GAB2: variants seen among roughly 807,000 people sequenced by gnomAD.
GAB2 encodes the protein GRB2 associated binding protein 2.
Under a neutral mutation model 65.5 loss-of-function variants are expected in GAB2, and 26 were observed. The ratio of observed to expected loss-of-function variants is 0.40; its 90% CI spans 0.29 to 0.55. The LOEUF is 0.55. Ranked by LOEUF, GAB2 falls within the 20% of genes least tolerant of loss-of-function variation. The pLI, the probability that GAB2 is intolerant of heterozygous loss-of-function variation, is 0.53. For synonymous variants in GAB2, 321 were observed against 329.6 expected, an observed-to-expected ratio of 0.97 and a Z score of 0.28; for missense variants, 884 against 875.8, an observed-to-expected ratio of 1.01 and a Z score of -0.12.
chr11:78,301,905 G>C (rs1235635831), intron 1 of GAB2, among the ~76,000 whole-genome samples: 1 of 152,116 alleles, frequency 6.6e-6, no homozygotes, highest in African/African-American at 2.4e-5. Context: ...AAAGCCAACT[G>C]ATCTTCAACA....
Position 78,215,547 on chromosome 11 carries a change from C to CAAGAACTCAAGACACAAGACAAGA in GAB2, c.*3724_*3725insTCTTGTCTTGTGTCTTGAGTTCTT, listed in dbSNP as rs1395430828. On this transcript the variant is annotated 3_prime_UTR_variant, in exon 10 of 10. Coordinates refer to ENST00000361507, the MANE Select transcript of GAB2 (RefSeq NM_080491.3). ...ATGTCAATTTTAAATGGTAACAAGA[C>CAAGAACTCAAGACACAAGACAAGA]AAGAACTCAAGACTGGGCTTCCACT... is the stretch of plus-strand genomic sequence containing the variant. 2.0e-5 allele frequency: 3 copies of CAAGAACTCAAGACACAAGACAAGA among 152,680 alleles called. No individual in the cohort carries two copies. In the East Asian group the frequency reaches 5.8e-4, roughly 29 times the overall value. The allele number at this position is 152,680 out of a possible 1,614,324, so 9.5% of individuals were successfully genotyped here. A position where few individuals can be genotyped will look rare whatever the true frequency, so the allele number is the denominator to read the frequency against.
chr11:78,287,669 G>A (rs1254466183), intron 1 of GAB2, among the ~76,000 whole-genome samples: 3 of 140,740 alleles, frequency 2.1e-5, no homozygotes, highest in Non-Finnish European at 4.5e-5. Context: ...TTTTTTTTGA[G>A]ACAGAGTCTT....
chr11:78,340,421 C>G (rs1389217132), intron 1 of GAB2, among the ~76,000 whole-genome samples: 4 of 152,132 alleles, frequency 2.6e-5, no homozygotes, highest in African/African-American at 9.7e-5. Context: ...TGCATACACC[C>G]TCTCATGGAC....
chr11:78,221,251 C>A (rs1274565399), intron 8 of GAB2, among the ~76,000 whole-genome samples: 1 of 152,228 alleles, frequency 6.6e-6, no homozygotes. Context: ...TAATGGAAAT[C>A]TCAGGGAAGA....
At chr11:78,288,626 T>G (rs1866560327) in intron 1 of GAB2, among the ~76,000 whole-genome samples, 2 of 152,056 alleles carry the variant, frequency 1.3e-5, no homozygotes, top group South Asian at 4.1e-4. Flanking sequence ...TCTAAAAAAA[T>G]CGCTGTGCAG....
chr11:78,289,945 G>T (rs1866610154), intron 1 of GAB2, among the ~76,000 whole-genome samples: 1 of 151,256 alleles, frequency 6.6e-6, no homozygotes, highest in Non-Finnish European at 1.5e-5. Context: ...AAAGAGGGAG[G>T]AAAGGAAGAG....
chr11:78,366,077 T>C (rs1856493301), intron 1 of GAB2, among the ~76,000 whole-genome samples: 1 of 152,232 alleles, frequency 6.6e-6, no homozygotes, highest in South Asian at 2.1e-4. Flanking sequence ...TTATAAACTA[T>C]AAGGTGGTGT....
At chr11:78,352,441 G>C (rs1293803905) in intron 1 of GAB2, among the ~76,000 whole-genome samples, 3 of 152,224 alleles carry the variant, frequency 2.0e-5, no homozygotes, top group Non-Finnish European at 4.4e-5. Context: ...TCTGTGCCCT[G>C]CTTGCCTAGC....
At chr11:78,366,634 A>G (rs567195625) in intron 1 of GAB2, among the ~76,000 whole-genome samples, 1 of 147,092 alleles carries the variant, frequency 6.8e-6, no homozygotes, top group East Asian at 2.0e-4. Flanking sequence ...TAGAATATGC[A>G]CAAAGTGAGG....
At chr11:78,257,501 G>A (rs1160408793) in intron 2 of GAB2, among the ~76,000 whole-genome samples, 2 of 152,172 alleles carry the variant, frequency 1.3e-5, no homozygotes, top group African/African-American at 4.8e-5. Flanking sequence ...TACTTTGTAG[G>A]ACTGCTGTGA....
intron 2 of GAB2, 39 bp from the exon 3 acceptor site, chr11:78,250,439 G>A: frequency 3.1e-6 from 5 of 1,589,854 alleles, no homozygotes; most frequent in African/African-American, 1.3e-5. Context: ...AAAAAGGAAG[G>A]AAATGTATCC....
At chr11:78,235,413 A>G (rs1864956490) in intron 3 of GAB2, among the ~76,000 whole-genome samples, 1 of 151,892 alleles carries the variant, frequency 6.6e-6, no homozygotes, top group Non-Finnish European at 1.5e-5. Context: ...CAGCCTCCCA[A>G]AGTGCTTGGA....
intron 1 of GAB2, among the ~76,000 whole-genome samples, chr11:78,311,037 T>C (rs1224516367): frequency 1.3e-5 from 2 of 152,228 alleles, no homozygotes; most frequent in Admixed American, 6.5e-5. Flanking sequence ...ACATTTATTA[T>C]GTGTGAAGCT....
intron 1 of GAB2, among the ~76,000 whole-genome samples, chr11:78,347,052 T>C (rs1254918093): frequency 1.3e-5 from 2 of 152,092 alleles, no homozygotes; most frequent in Non-Finnish European, 2.9e-5. Context: ...ACCATCCAAC[T>C]GGGTGATCTA....
At chr11:78,417,623 TG>T in intron 1 of GAB2, 22 bp downstream of exon 1, 2 of 1,250,378 alleles carry the variant, frequency 1.6e-6, no homozygotes, top group Non-Finnish European at 2.1e-6. Context: ...CGCCCGCCCC[TG>T]GGCGGCCGCG....
chr11:78,370,481 G>A (rs1462978777), intron 1 of GAB2, among the ~76,000 whole-genome samples: 1 of 152,038 alleles, frequency 6.6e-6, no homozygotes, highest in Non-Finnish European at 1.5e-5. Flanking sequence ...GACTACTATT[G>A]TGCCCAGGTT....
rs1184543391 is a variant in GAB2, at chr11:78,223,491, A to C, written c.1488T>G (p.Leu496=). The change falls in exon 6 of 10, where the codon CTT becomes CTG. Residue 496 remains leucine, a synonymous_variant. Transcript: ENST00000361507. ...FDSLGYPSTT[L]PVHRGPSRGS... The stretch of plus-strand genomic sequence containing the variant: ...CTCTGCTGGGGCCTCGGTGCACAGG[A>C]AGGGTTGTTGATGGGTAGCCAAGTG... 6.2e-7 allele frequency: 1 copy of C among 1,609,058 alleles called. No individual in the cohort carries two copies.
chr11:78,294,894 C>CTAATTAAACTA (rs373815222), intron 1 of GAB2, among the ~76,000 whole-genome samples: 4,172 of 152,118 alleles, frequency 0.027, 147 homozygotes, highest in African/African-American at 0.087. Flanking sequence ...CAAATGGGAT[C>CTAATTAAACTA]TAATTAAACT....
chr11:78,226,054 T>A (rs1447214918), intron 4 of GAB2, among the ~76,000 whole-genome samples: 1 of 152,266 alleles, frequency 6.6e-6, no homozygotes, highest in African/African-American at 2.4e-5. Context: ...AGACCTCGTT[T>A]TGCTTTAGCA....
Sources: allele counts gnomAD v4.1 joint callset (sites outside exome capture counted in the v4.1 genomes callset), GRCh38; gene constraint gnomAD v4.1.1; transcripts MANE v1.5; gene names NCBI Gene and HGNC (gene_info 2026-07-23, HGNC 2026-07-21).